VPS13B: variants seen among roughly 807,000 people sequenced by gnomAD.
VPS13B encodes vacuolar protein sorting 13 homolog B.
VPS13B carries 285 observed loss-of-function variants against 426.4 expected under a neutral mutation model. That is an observed-to-expected ratio of 0.67 (90% CI 0.61 to 0.74). The LOEUF is 0.74. Ranked by LOEUF, VPS13B falls within the 30% of genes least tolerant of loss-of-function variation. The probability of loss-of-function intolerance (pLI) is 0.00; values close to 1 mark genes in which losing one functional copy is unlikely to be tolerated. For missense variants in VPS13B, 4,537 were observed against 4,782.6 expected, an observed-to-expected ratio of 0.95 and a Z score of 1.51; for synonymous variants, 1,676 against 1,676.4, an observed-to-expected ratio of 1.00 and a Z score of 0.01.
At chr8:99,773,162 T>G (rs1811594363) in intron 40 of VPS13B, among the ~76,000 whole-genome samples, 1 of 152,266 alleles carries the variant, frequency 6.6e-6, no homozygotes, top group African/African-American at 2.4e-5. Flanking sequence ...GTAGGTCTAA[T>G]TACTGTACTC....
rs749751670 is a variant in VPS13B at position 99,384,300 on chromosome 8, A to G, written c.2917A>G (p.Ser973Gly). The stretch of plus-strand genomic sequence containing the variant: ...CATCTATCAGCCTCAGAAACGAACA[A>G]GTAGACATATGCAACAGGTAAGAGA... ...WLIYQPQKRT[S>G]RHMQQQPVVA... The change falls in exon 20 of 62, where the codon AGT (serine) becomes GGT (glycine). Residue 973 changes from serine (S) to glycine (G), a missense_variant. By Grantham distance (56) the Ser-to-Gly change is moderately conservative. Transcript: ENST00000357162. 4.0e-5 allele frequency: 64 copies of G among 1,613,534 alleles called. No homozygotes were observed. The Middle Eastern group carries it at 2.5e-3, about 62-fold the overall frequency.
At chr8:99,610,166 T>C (rs1292735234) in intron 33 of VPS13B, among the ~76,000 whole-genome samples, 1 of 152,192 alleles carries the variant, frequency 6.6e-6, no homozygotes, top group African/African-American at 2.4e-5. Context: ...GTTGTTTTGA[T>C]CATATTTCTC....
chr8:99,824,824 G>A (rs1034321225), intron 51 of VPS13B, among the ~76,000 whole-genome samples: 4 of 151,922 alleles, frequency 2.6e-5, no homozygotes, highest in Non-Finnish European at 4.4e-5. Context: ...GAGAACATGT[G>A]GTGTTTGGTT....
chr8:99,368,925 G>A (rs569103869), intron 19 of VPS13B, among the ~76,000 whole-genome samples: 1 of 152,212 alleles, frequency 6.6e-6, no homozygotes, highest in African/African-American at 2.4e-5. Flanking sequence ...GTTCCTGAAC[G>A]TATCATACTT....
intron 35 of VPS13B, among the ~76,000 whole-genome samples, chr8:99,671,617 A>G (rs1830719696): frequency 6.6e-6 from 1 of 152,012 alleles, no homozygotes; most frequent in Non-Finnish European, 1.5e-5. Context: ...TACTACATTT[A>G]AGTCTTCAAT....
intron 42 of VPS13B, among the ~76,000 whole-genome samples, chr8:99,779,899 C>T (rs1362128861): frequency 6.6e-6 from 1 of 152,154 alleles, no homozygotes; most frequent in Non-Finnish European, 1.5e-5. Context: ...CCGAGAGAAA[C>T]GGTGCTTCAT....
rs551581859 is a variant in VPS13B, at chr8:99,069,542, A to G, written c.292-26770A>G. On this transcript the variant is annotated intron_variant, in intron 3 of 61. Coordinates refer to ENST00000357162, the MANE Select transcript of VPS13B (RefSeq NM_152564.5). ...ATAAGTTATTAGGGTGTGTGTATAT[A>G]TATGTGCACATACATTTTCTAATAA... is the stretch of plus-strand genomic sequence containing the variant. 5.9e-5 allele frequency among the ~76,000 whole-genome samples: 9 copies of G among 152,346 alleles called. No homozygotes were observed. In the South Asian group the frequency reaches 6.2e-4, roughly 11 times the overall value.
chr8:99,540,036 TATATATATATATATATATATATATA>T (rs1823492426), intron 30 of VPS13B, among the ~76,000 whole-genome samples: 3 of 4,394 alleles, frequency 6.8e-4, no homozygotes, highest in African/African-American at 1.4e-3. Context: ...TATATATATA[TATATATATATATATATATATATATA>T]TATTTTTTTT....
Position 99,442,523 on chromosome 8 carries a change from G to A in VPS13B, c.3333G>A (p.Pro1111=), listed in dbSNP as rs367791771. 32 of 1,613,766 alleles carry A rather than the reference G, an allele frequency of 2.0e-5. No individual in the cohort carries two copies. The highest frequency in any genetic ancestry group is 1.6e-4 in the Middle Eastern group (1 of 6,084). ...RSWYHGQTSM[P]GTLVLCLPQI... Reference sequence around the variant, plus strand: ...GGTACCATGGACAAACCAGCATGCCGGGAACACTTGTCCTCTGTTTGCCTC... The same window carrying A: ...GGTACCATGGACAAACCAGCATGCCAGGAACACTTGTCCTCTGTTTGCCTC... Residue 1111 remains proline, a synonymous_variant, in exon 23 of 62, where the codon CCG becomes CCA. Coordinates refer to ENST00000357162, the MANE Select transcript of VPS13B (RefSeq NM_152564.5).
chr8:99,389,470 T>TA (rs1814305465), intron 20 of VPS13B: 1 of 152,290 alleles, frequency 6.6e-6, no homozygotes, highest in East Asian at 1.9e-4. Flanking sequence ...AGCCTACTGT[T>TA]GATCAGAGAC....
At chr8:99,378,145 C>T (rs1310808091) in intron 19 of VPS13B, among the ~76,000 whole-genome samples, 4 of 141,928 alleles carry the variant, frequency 2.8e-5, no homozygotes, top group Non-Finnish European at 6.1e-5. Context: ...CCCCCCCCCC[C>T]CGGAATGCAT....
At chr8:99,669,776 T>G (rs1165946059) in intron 35 of VPS13B, among the ~76,000 whole-genome samples, 4 of 152,126 alleles carry the variant, frequency 2.6e-5, no homozygotes, top group Admixed American at 1.3e-4. Context: ...TTATTTGATT[T>G]TGATTTTAAG....
intron 13 of VPS13B, among the ~76,000 whole-genome samples, chr8:99,145,171 A>T (rs531891196): frequency 6.6e-6 from 1 of 152,324 alleles, no homozygotes; most frequent in South Asian, 2.1e-4. Flanking sequence ...TGTAGTCTGG[A>T]TTTTATTCTA....
intron 3 of VPS13B, among the ~76,000 whole-genome samples, chr8:99,045,213 C>A (rs1843172954): frequency 6.6e-6 from 1 of 152,092 alleles, no homozygotes; most frequent in Non-Finnish European, 1.5e-5. Flanking sequence ...ATGCCAATAT[C>A]TATTATTTTT....
intron 36 of VPS13B, among the ~76,000 whole-genome samples, chr8:99,701,552 A>G (rs1170954441): frequency 6.6e-6 from 1 of 152,158 alleles, no homozygotes; most frequent in Non-Finnish European, 1.5e-5. Flanking sequence ...TAGTTTTGGA[A>G]CTTGTTTTTT....
chr8:99,184,024 G>C (rs1813083930), intron 16 of VPS13B, among the ~76,000 whole-genome samples: 1 of 152,086 alleles, frequency 6.6e-6, no homozygotes, highest in South Asian at 2.1e-4. Flanking sequence ...TTTTGTTTCA[G>C]GGTTCATCTA....
At chr8:99,389,913 A>G (rs967128578) in intron 20 of VPS13B, among the ~76,000 whole-genome samples, 18 of 151,958 alleles carry the variant, frequency 1.2e-4, no homozygotes, top group Non-Finnish European at 2.4e-4. Context: ...CCCCCTCCTT[A>G]TGTTTTAGAT....
intron 35 of VPS13B, among the ~76,000 whole-genome samples, chr8:99,665,141 C>T (rs1208793989): frequency 6.6e-6 from 1 of 152,136 alleles, no homozygotes; most frequent in Non-Finnish European, 1.5e-5. Context: ...TGTTCATATC[C>T]TTCGCCCACT....
At chr8:99,561,507 A>T (rs1202497965) in intron 31 of VPS13B, among the ~76,000 whole-genome samples, 1 of 152,252 alleles carries the variant, frequency 6.6e-6, no homozygotes, top group Admixed American at 6.5e-5. Context: ...TAATGCATTC[A>T]GTAGAAACTG....
Sources: allele counts gnomAD v4.1 joint callset (sites outside exome capture counted in the v4.1 genomes callset), GRCh38; gene constraint gnomAD v4.1.1; transcripts MANE v1.5; gene names NCBI Gene and HGNC (gene_info 2026-07-23, HGNC 2026-07-21).